Variants in KCNT2 observed in about 807,000 individuals in gnomAD.
KCNT2 encodes potassium sodium-activated channel subfamily T member 2, also known as potassium channel subfamily T member 2.
KCNT2 carries 67 observed loss-of-function variants against 153.8 expected under a neutral mutation model. The observed-to-expected ratio is 0.44, with a 90% CI of 0.36 to 0.53. The LOEUF is 0.53. Ranked by LOEUF, KCNT2 falls within the 20% of genes least tolerant of loss-of-function variation. The pLI is 0.00. For missense variants in KCNT2, 975 were observed against 1,354.8 expected (o/e 0.72, Z 4.40); for synonymous variants, 500 against 458.8 (o/e 1.09, Z -1.15).
intron 14 of KCNT2, among the ~76,000 whole-genome samples, chr1:196,347,706 A>G (rs926332963): frequency 2.0e-5 from 3 of 152,136 alleles, no homozygotes; most frequent in African/African-American, 4.8e-5. Context: ...TTCAGGTTTC[A>G]TCTGTTACTT....
intron 1 of KCNT2, among the ~76,000 whole-genome samples, chr1:196,567,129 C>T (rs537486727): frequency 6.6e-6 from 1 of 152,100 alleles, no homozygotes; most frequent in African/African-American, 2.4e-5. Flanking sequence ...AATATGAATT[C>T]CTTAATTACC....
intron 8 of KCNT2, among the ~76,000 whole-genome samples, chr1:196,433,484 T>G (rs571996678): frequency 6.6e-6 from 1 of 152,092 alleles, no homozygotes; most frequent in African/African-American, 2.4e-5. Flanking sequence ...GTGAAAATGT[T>G]CTGAAACTAA....
At chr1:196,258,878 A>G (rs1354850069) in intron 25 of KCNT2, among the ~76,000 whole-genome samples, 2 of 152,156 alleles carry the variant, frequency 1.3e-5, no homozygotes, top group Non-Finnish European at 2.9e-5. Context: ...GGACTTTTCT[A>G]AACCTATTAC....
intron 1 of KCNT2, among the ~76,000 whole-genome samples, chr1:196,526,271 AC>A (rs1348481181): frequency 1.3e-5 from 2 of 151,480 alleles, no homozygotes; most frequent in African/African-American, 4.8e-5. Context: ...AAACATACAT[AC>A]AATTTCAATG....
intron 1 of KCNT2, among the ~76,000 whole-genome samples, chr1:196,492,640 G>T (rs1679946200): frequency 6.6e-6 from 1 of 151,996 alleles, no homozygotes; most frequent in Non-Finnish European, 1.5e-5. Flanking sequence ...ATAATGAGTG[G>T]CATGGATTAT....
intron 12 of KCNT2, among the ~76,000 whole-genome samples, chr1:196,421,792 A>T (rs1193353477): frequency 6.6e-6 from 1 of 152,040 alleles, no homozygotes. Context: ...GGAATTCGGA[A>T]ATCAAGTTGT....
chr1:196,467,398 AT>A (rs1367912555), intron 7 of KCNT2, among the ~76,000 whole-genome samples: 5 of 151,252 alleles, frequency 3.3e-5, no homozygotes, highest in African/African-American at 1.2e-4. Context: ...TAACTTTCAA[AT>A]TTACACTATG....
chr1:196,239,915 A>T (rs78998052), intron 26 of KCNT2, among the ~76,000 whole-genome samples: 4,164 of 152,150 alleles, frequency 0.027, 191 homozygotes, highest in African/African-American at 0.095. Flanking sequence ...AGGAGTAAAT[A>T]CACACAGAGA....
intron 14 of KCNT2, among the ~76,000 whole-genome samples, chr1:196,371,252 C>A (rs1273817041): frequency 7.7e-6 from 1 of 129,862 alleles, no homozygotes; most frequent in Non-Finnish European, 1.6e-5. Flanking sequence ...AAAAAAAAGC[C>A]TGGCATGGTG....
intron 1 of KCNT2, among the ~76,000 whole-genome samples, chr1:196,594,694 A>G (rs1303345953): frequency 6.6e-6 from 1 of 152,138 alleles, no homozygotes; most frequent in Non-Finnish European, 1.5e-5. Flanking sequence ...TGTCATTAAT[A>G]ACTCTGGCAC....
chr1:196,426,155 C>T (rs1483120162), intron 10 of KCNT2, among the ~76,000 whole-genome samples, 167 bp from the exon 11 acceptor site: 1 of 151,978 alleles, frequency 6.6e-6, no homozygotes, highest in Non-Finnish European at 1.5e-5. Flanking sequence ...ATAGCAATTA[C>T]ACTATAATAA....
chr1:196,401,544 G>T (rs982943113), intron 12 of KCNT2, among the ~76,000 whole-genome samples: 1 of 151,660 alleles, frequency 6.6e-6, no homozygotes, highest in African/African-American at 2.4e-5. Flanking sequence ...AGTTTATGAA[G>T]AAACACATTC....
intron 1 of KCNT2, among the ~76,000 whole-genome samples, chr1:196,550,052 C>G (rs916793247): frequency 2.0e-5 from 3 of 151,848 alleles, no homozygotes; most frequent in African/African-American, 7.2e-5. Flanking sequence ...GAATGATATA[C>G]CAGTTTACCA....
At chr1:196,338,273 A>G (rs1446108882) in intron 16 of KCNT2, among the ~76,000 whole-genome samples, 5 of 152,100 alleles carry the variant, frequency 3.3e-5, no homozygotes, top group Non-Finnish European at 7.4e-5. Flanking sequence ...AAAAAAATAT[A>G]TTAGTGAAGA....
chr1:196,268,977 A>AAAT lies in KCNT2; in HGVS notation c.2911-10486_2911-10484dup, dbSNP rs1367494538. 1.8e-4 allele frequency among the ~76,000 whole-genome samples: 28 copies of AAAT among 152,142 alleles called. 1 individual carries two copies. The Middle Eastern group carries it at 0.01, about 55-fold the overall frequency. On this transcript the variant is annotated intron_variant, in intron 25 of 27. Transcript: ENST00000294725. ...TATACAATCATTAGATCTAGGTAAA[A>AAAT]AATAATAATAATAATAAAGAAATAA...
chr1:196,518,873 G>A (rs1652965724), intron 1 of KCNT2, among the ~76,000 whole-genome samples: 1 of 152,132 alleles, frequency 6.6e-6, no homozygotes, highest in African/African-American at 2.4e-5. Context: ...GACAGTCTTA[G>A]AGAGATCAGT....
chr1:196,592,558 A>G (rs1663504594), intron 1 of KCNT2, among the ~76,000 whole-genome samples: 2 of 147,118 alleles, frequency 1.4e-5, no homozygotes, highest in South Asian at 4.2e-4. Flanking sequence ...ATATAAATGT[A>G]TTTATATAGT....
intron 1 of KCNT2, among the ~76,000 whole-genome samples, chr1:196,537,467 C>A (rs534085924): frequency 6.6e-6 from 1 of 152,164 alleles, no homozygotes; most frequent in Non-Finnish European, 1.5e-5. Context: ...AATGTATCTG[C>A]ACTATTATCT....
intron 3 of KCNT2, among the ~76,000 whole-genome samples, chr1:196,485,191 T>A (rs901541186): frequency 1.3e-5 from 2 of 151,500 alleles, no homozygotes; most frequent in Non-Finnish European, 2.9e-5. Context: ...CAAACTAACA[T>A]AGGAACAGAA....
Sources: allele counts gnomAD v4.1 joint callset (sites outside exome capture counted in the v4.1 genomes callset), GRCh38; gene constraint gnomAD v4.1.1; transcripts MANE v1.5; gene names NCBI Gene and HGNC (gene_info 2026-07-23, HGNC 2026-07-21).